Variants in ZNF346 observed in about 807,000 individuals in gnomAD.
The protein encoded by ZNF346 is double-stranded RNA-binding zinc finger protein JAZ.
Under a neutral mutation model 33.7 loss-of-function variants are expected in ZNF346, and 23 were observed. That is an observed-to-expected ratio of 0.68 (90% CI 0.49 to 0.97). The LOEUF (loss-of-function observed/expected upper bound fraction) is 0.97, where lower values mean the gene tolerates loss of function less well. ZNF346 is among the 50% of genes least tolerant of loss of function. The pLI is 0.00. For missense variants in ZNF346, 340 were observed against 371.1 expected, an observed-to-expected ratio of 0.92 and a Z score of 0.69; for synonymous variants, 134 against 142.4, an observed-to-expected ratio of 0.94 and a Z score of 0.42.
At chr5:177,031,729 CAT>C (rs939497402) in intron 1 of ZNF346, among the ~76,000 whole-genome samples, 36 of 152,208 alleles carry the variant, frequency 2.4e-4, no homozygotes, top group African/African-American at 7.9e-4. Flanking sequence ...TCTCCTTACA[CAT>C]ATGTTAGTAT....
At chr5:177,051,607 C>G (rs1001603625) in intron 5 of ZNF346, 6 of 152,264 alleles carry the variant, frequency 3.9e-5, no homozygotes, top group African/African-American at 1.4e-4. Flanking sequence ...GGCGCAATCT[C>G]AGCTCACTGC....
At chr5:177,039,072 G>C (rs1275293217) in intron 1 of ZNF346, among the ~76,000 whole-genome samples, 1 of 151,948 alleles carries the variant, frequency 6.6e-6, no homozygotes. Context: ...TGTATTTTTA[G>C]TAGAGATGGG....
At chr5:177,063,019 T>C (rs1315989571) in intron 6 of ZNF346, among the ~76,000 whole-genome samples, 1 of 151,440 alleles carries the variant, frequency 6.6e-6, no homozygotes, top group East Asian at 1.9e-4. Context: ...TGTCCCTTCC[T>C]CTCCGAAGGG....
chr5:177,054,467 C>G (rs13356373), intron 5 of ZNF346, among the ~76,000 whole-genome samples: 19,659 of 152,036 alleles, frequency 0.13, 2,974 homozygotes, highest in African/African-American at 0.37. Flanking sequence ...AGTGCCATCT[C>G]AGCTCACTGG....
chr5:177,059,506 TTC>T (rs147603057), intron 5 of ZNF346, among the ~76,000 whole-genome samples: 201 of 152,286 alleles, frequency 1.3e-3, no homozygotes, highest in Non-Finnish European at 2.4e-3. Flanking sequence ...AGGCTTGTGT[TTC>T]TCTCATATTC....
chr5:177,022,964 G>A, intron 1 of ZNF346, 51 bp downstream of exon 1: 4 of 1,441,526 alleles, frequency 2.8e-6, no homozygotes, highest in Non-Finnish European at 3.6e-6. Flanking sequence ...TGCGCGGCTC[G>A]CGGGGAACTG....
intron 8 of ZNF346, among the ~76,000 whole-genome samples, chr5:177,076,456 T>C (rs1783748899): frequency 1.3e-5 from 2 of 152,200 alleles, no homozygotes; most frequent in African/African-American, 4.8e-5. Flanking sequence ...CCATCTTCGA[T>C]ATCTGATCAG....
chr5:177,023,095 A>G, intron 1 of ZNF346, 182 bp downstream of exon 1: 1 of 1,438,798 alleles, frequency 7.0e-7, no homozygotes, highest in African/African-American at 1.4e-5. Flanking sequence ...CAGCGCGCTG[A>G]GGGTGAAGGG....
rs978802265 is a variant in ZNF346 at position 177,077,612 on chromosome 5, T to A, written c.*3-1770T>A. The stretch of plus-strand genomic sequence containing the variant: ...AGACTGGCTCCCATTGGCCCTCCCA[T>A]GGTCACATGCTCATCTCTGACTTAA... On this transcript the variant is annotated intron_variant, in intron 8 of 8. Transcript: ENST00000503039. The surrounding 1 kb of genome is among the most constrained non-coding windows in gnomAD (Gnocchi z 5.0). Among the ~76,000 whole-genome samples, 3 of 152,116 alleles carry A rather than the reference T, an allele frequency of 2.0e-5. No individual in the cohort carries two copies. The highest frequency in any genetic ancestry group is 1.5e-5 in the Non-Finnish European group (1 of 68,024).
chr5:177,046,736 T>C (rs1236302537), intron 4 of ZNF346, among the ~76,000 whole-genome samples: 1 of 152,234 alleles, frequency 6.6e-6, no homozygotes, highest in East Asian at 1.9e-4. Context: ...TTGTTATATG[T>C]ATCTTTGTAT....
At chr5:177,029,232 A>G (rs531861190) in intron 1 of ZNF346, among the ~76,000 whole-genome samples, 5 of 152,294 alleles carry the variant, frequency 3.3e-5, no homozygotes, top group Admixed American at 1.3e-4. Flanking sequence ...AACCATGCCT[A>G]TGTAATGAAG....
downstream of ZNF346, among the ~76,000 whole-genome samples, chr5:177,072,623 G>A (rs1041488612): frequency 1.3e-5 from 2 of 152,162 alleles, no homozygotes; most frequent in African/African-American, 4.8e-5. Flanking sequence ...GCCAAAGCAG[G>A]CAGATTACTT....
intron 1 of ZNF346, among the ~76,000 whole-genome samples, chr5:177,031,301 G>A (rs935657978): frequency 3.9e-5 from 6 of 152,210 alleles, no homozygotes; most frequent in African/African-American, 1.4e-4. Flanking sequence ...CCAAAGTGCT[G>A]GGATTACAGG....
At chr5:177,081,132 G>A (rs1027488653) in exon 9 of ZNF346, 1 of 151,228 alleles carries the variant, frequency 6.6e-6, no homozygotes, top group African/African-American at 2.4e-5. Flanking sequence ...AGCTGGGTAT[G>A]GTATGACCCT....
intron 1 of ZNF346, chr5:177,023,333 C>T: frequency 1.1e-6 from 1 of 895,780 alleles, no homozygotes; most frequent in Admixed American, 2.0e-5. Context: ...TCTCAAGCCC[C>T]ACACTTCCGA....
rs570188575 is a variant in ZNF346, at chr5:177,048,576, G to A, written c.518-2175G>A. Among the ~76,000 whole-genome samples the A allele has an allele frequency of 2.6e-3, 394 of 152,116 alleles. 2 individuals carry two copies. Among genetic ancestry groups the A allele is most frequent in the Non-Finnish European group, 3.7e-3 (252 of 67,996 alleles). Reference sequence around the variant, plus strand: ...GCAGAGGTTGCAGTGAGTCAAGATCGTGCCATTGCACTCCAGCCTGGGCAA... The same window carrying A: ...GCAGAGGTTGCAGTGAGTCAAGATCATGCCATTGCACTCCAGCCTGGGCAA... On this transcript the variant is annotated intron_variant, in intron 4 of 6. Coordinates refer to ENST00000358149, the MANE Select transcript of ZNF346 (RefSeq NM_012279.4).
At position 177,042,804 on chromosome 5, in the gene ZNF346, C is replaced by T. The variant is rs945263386; in HGVS notation, c.372+934C>T. ...GGAGTGCAGTGGTGCAGTCACGGCT[C>T]ACTGCAGCCTCAACCTCCCAAGCTC... On this transcript the variant is annotated intron_variant, in intron 3 of 6. Coordinates refer to ENST00000358149, the MANE Select transcript of ZNF346 (RefSeq NM_012279.4). Among the ~76,000 whole-genome samples, 5 of 152,196 alleles carry T rather than the reference C, an allele frequency of 3.3e-5. No homozygotes were observed. In the South Asian group the frequency reaches 6.2e-4, roughly 19 times the overall value.
intron 5 of ZNF346, among the ~76,000 whole-genome samples, chr5:177,053,310 T>G (rs993421437): frequency 7.9e-6 from 1 of 126,384 alleles, no homozygotes; most frequent in Non-Finnish European, 1.6e-5. Context: ...GCAGCAAGAC[T>G]TCATCTCAAA....
chr5:177,047,382 A>G (rs1780223891), intron 4 of ZNF346, among the ~76,000 whole-genome samples: 1 of 150,264 alleles, frequency 6.7e-6, no homozygotes, highest in Non-Finnish European at 1.5e-5. Flanking sequence ...CTTTTGCCCA[A>G]GCTGGAGTGA....
Sources: gnomAD v4.1 joint callset for allele counts (sites outside exome capture counted in the v4.1 genomes callset) on GRCh38, gnomAD v4.1.1 for gene constraint, Gnocchi (gnomAD v3.1) non-coding constraint, MANE v1.5 for transcripts, NCBI Gene and HGNC (gene_info 2026-07-23, HGNC 2026-07-21) for gene names.